Variants in ABCB5 observed in about 807,000 individuals in gnomAD.
The protein encoded by ABCB5 is ATP-binding cassette sub-family B member 5.
A neutral mutation model predicts 144.2 loss-of-function variants in ABCB5; 155 were observed. The observed-to-expected ratio is 1.08, with a 90% CI of 0.94 to 1.23. The LOEUF (loss-of-function observed/expected upper bound fraction) is 1.23, where lower values mean the gene tolerates loss of function less well. Among genes scored for constraint, ABCB5 ranks in the 50% most tolerant of loss-of-function variants. ABCB5 has a pLI of 0.00. For synonymous variants in ABCB5, 610 were observed against 528.6 expected (o/e 1.15, Z -2.11); for missense variants, 1,830 against 1,520.8 (o/e 1.20, Z -3.38).
chr7:20,637,076 T>C (rs1424680582), intron 5 of ABCB5, among the ~76,000 whole-genome samples: 1 of 152,190 alleles, frequency 6.6e-6, no homozygotes, highest in East Asian at 1.9e-4. Context: ...ACATAATTTA[T>C]TTCTGCTAAA....
chr7:20,646,185 T>A (rs1784405035), intron 9 of ABCB5, 47 bp downstream of exon 9: 3 of 1,545,198 alleles, frequency 1.9e-6, no homozygotes, highest in Non-Finnish European at 2.6e-6. Flanking sequence ...TAATCTTTCC[T>A]TACCTAGTTT....
chr7:20,686,031 A>G (rs755975300), intron 16 of ABCB5, among the ~76,000 whole-genome samples, 195 bp downstream of exon 16: 4 of 152,214 alleles, frequency 2.6e-5, no homozygotes, highest in Non-Finnish European at 5.9e-5. Context: ...CTGCATTTAT[A>G]TCAGAGGCCC....
In ABCB5 at chr7:20,756,324, A is replaced by AAG. The variant is rs1783086065; in HGVS notation, c.*700_*701insAG. 5.2e-5 allele frequency: 8 copies of AAG among 152,428 alleles called. No homozygotes were observed. In the South Asian group the frequency reaches 1.7e-3, roughly 32 times the overall value. The allele number at this position is 152,428 out of a possible 1,614,324, so 9.4% of individuals were successfully genotyped here. On this transcript the variant is annotated 3_prime_UTR_variant, in exon 28 of 28. Coordinates refer to ENST00000404938, the MANE Select transcript of ABCB5 (RefSeq NM_001163941.2). ...GTATAAGTCACAGGCCTACCTGTTTATGAAAACTTACTTACTTAAAATAAG... is the reference window on the plus strand; with the variant it reads ...GTATAAGTCACAGGCCTACCTGTTTAAGTGAAAACTTACTTACTTAAAATAAG...
intron 5 of ABCB5, among the ~76,000 whole-genome samples, chr7:20,642,693 T>C (rs917821355): frequency 6.6e-6 from 1 of 152,210 alleles, no homozygotes; most frequent in Admixed American, 6.6e-5. Context: ...TTTGGATTGT[T>C]TTCAGCTTTT....
rs755278177 is a variant in ABCB5, at chr7:20,742,864, C to A, written c.3025-13C>A. 1.2e-6 allele frequency: 2 copies of A among 1,613,302 alleles called. No homozygotes were observed. The highest frequency in any genetic ancestry group is 1.7e-6 in the Non-Finnish European group (2 of 1,179,510). Reference sequence around the variant, plus strand: ...AAGTCATTCTTCTCAACTCTGTCAACTTCCTTTCACAGGACACATGTGAAG... The same window carrying A: ...AAGTCATTCTTCTCAACTCTGTCAAATTCCTTTCACAGGACACATGTGAAG... On this transcript the variant is annotated splice_polypyrimidine_tract_variant and intron_variant, in intron 24 of 27. Coordinates refer to ENST00000404938, the MANE Select transcript of ABCB5 (RefSeq NM_001163941.2).
rs1406657803 is a variant in ABCB5, at chr7:20,661,534, C to CTCT, written c.1707+2859_1707+2860insCTT. On this transcript the variant is annotated intron_variant, in intron 14 of 27. Coordinates refer to ENST00000404938, the MANE Select transcript of ABCB5 (RefSeq NM_001163941.2). ...TATTCTTTTTTGCTTTCTTTCTTTT[C>CTCT]TTTTTCTTTTTTTTTTTTTGAGACC... 5.3e-5 allele frequency among the ~76,000 whole-genome samples: 7 copies of CTCT among 132,384 alleles called. 1 individual carries two copies. The highest frequency in any genetic ancestry group is 2.3e-4 in the South Asian group (1 of 4,420). The allele number at this position is 132,384 out of a possible 152,430, so 86.8% of individuals were successfully genotyped here.
intron 14 of ABCB5, among the ~76,000 whole-genome samples, chr7:20,665,447 C>A (rs1290308122): frequency 2.6e-5 from 4 of 152,098 alleles, no homozygotes; most frequent in African/African-American, 4.8e-5. Context: ...AGTTAAGAAA[C>A]AAAAGGCCTA....
intron 12 of ABCB5, 116 bp from the exon 13 acceptor site, chr7:20,651,304 A>G (rs1276229528): frequency 2.3e-6 from 2 of 886,918 alleles, no homozygotes; most frequent in Non-Finnish European, 3.4e-6. Flanking sequence ...AAATATAGTC[A>G]GTCTTTGATT....
At chr7:20,623,449 T>A in intron 2 of ABCB5, 111 bp downstream of exon 2, 1 of 844,846 alleles carries the variant, frequency 1.2e-6, no homozygotes. Flanking sequence ...ATAGCAACAC[T>A]ATTTGCATTT....
rs1302115989 is a variant in ABCB5 at position 20,711,915 on chromosome 7, TTCTC to T, written c.2421+7114_2421+7117del. Reference sequence around the variant, plus strand: ...CTCCTTCCTTCCTTCCTTCCTTTCTTTCTCTCTCTTTCTTTTTCTTTCTTTCTTT... The same window carrying T: ...CTCCTTCCTTCCTTCCTTCCTTTCTTTCTCTTTCTTTTTCTTTCTTTCTTT... On this transcript the variant is annotated intron_variant, in intron 20 of 27. Coordinates refer to ENST00000404938, the MANE Select transcript of ABCB5 (RefSeq NM_001163941.2). Among the ~76,000 whole-genome samples, 1,053 of 129,946 alleles carry T rather than the reference TTCTC, an allele frequency of 8.1e-3. 80 individuals are homozygous for T. The highest frequency in any genetic ancestry group is 0.027 in the African/African-American group (896 of 32,876). 85.2% of individuals were successfully genotyped at this position (129,946 alleles called of 152,430 possible). A position where few individuals can be genotyped will look rare whatever the true frequency, so the allele number is the denominator to read the frequency against.
chr7:20,624,985 C>T (rs890574208), intron 2 of ABCB5, among the ~76,000 whole-genome samples: 7 of 152,236 alleles, frequency 4.6e-5, no homozygotes, highest in African/African-American at 1.4e-4. Context: ...GAGACTTTCA[C>T]AAAACGACCC....
chr7:20,697,570 C>A (rs973328790), intron 16 of ABCB5, among the ~76,000 whole-genome samples: 3 of 152,162 alleles, frequency 2.0e-5, no homozygotes, highest in Admixed American at 6.5e-5. Flanking sequence ...ACCACTGTGA[C>A]CACTACCTCC....
In ABCB5 at chr7:20,643,593, G is replaced by A. The variant is rs751089247; in HGVS notation, c.639G>A (p.Thr213=). ...AACTCACCCTAGTGACTCTATCCAC[G>A]TCTCCTCTTATAATGGCTTCAGCGG... ...GWKLTLVTLS[T]SPLIMASAAA... The change falls in exon 7 of 28, where the codon ACG becomes ACA. Residue 213 remains threonine, a synonymous_variant. Transcript: ENST00000404938. The A allele has an allele frequency of 2.0e-5, 32 of 1,613,776 alleles. No individual in the cohort carries two copies. Among genetic ancestry groups the A allele is most frequent in the South Asian group, 5.5e-5 (5 of 91,074 alleles).
At chr7:20,745,897 T>G (rs1583467156) in intron 26 of ABCB5, among the ~76,000 whole-genome samples, 1 of 152,166 alleles carries the variant, frequency 6.6e-6, no homozygotes, top group African/African-American at 2.4e-5. Context: ...ACACACCCCA[T>G]GGGGAGGGGC....
At chr7:20,696,103 G>A (rs980756109) in intron 16 of ABCB5, among the ~76,000 whole-genome samples, 11 of 152,092 alleles carry the variant, frequency 7.2e-5, no homozygotes, top group Admixed American at 2.0e-4. Flanking sequence ...TCCACACAAA[G>A]CCTTGTATAT....
chr7:20,704,625 G>C, intron 19 of ABCB5, 99 bp from the exon 20 acceptor site: 2 of 786,258 alleles, frequency 2.5e-6, no homozygotes, highest in Non-Finnish European at 4.2e-6. Flanking sequence ...CTGTGAGTGA[G>C]GAGGCAGGTA....
intron 13 of ABCB5, among the ~76,000 whole-genome samples, chr7:20,655,804 T>G (rs1291109532): frequency 1.3e-5 from 2 of 152,058 alleles, no homozygotes; most frequent in East Asian, 3.9e-4. Context: ...GAAACTGACA[T>G]GTTGATTCCA....
intron 26 of ABCB5, among the ~76,000 whole-genome samples, chr7:20,748,220 G>A (rs1476037359): frequency 6.6e-6 from 1 of 152,146 alleles, no homozygotes; most frequent in Non-Finnish European, 1.5e-5. Flanking sequence ...GCAGTCCAAA[G>A]CAACCACCAC....
intron 13 of ABCB5, among the ~76,000 whole-genome samples, chr7:20,652,072 A>C (rs1223588908): frequency 3.3e-5 from 5 of 152,226 alleles, no homozygotes; most frequent in Non-Finnish European, 7.3e-5. Flanking sequence ...AAAATGAAAG[A>C]TATGTTAAAG....
Sources: allele counts gnomAD v4.1 joint callset (sites outside exome capture counted in the v4.1 genomes callset), GRCh38; gene constraint gnomAD v4.1.1; transcripts MANE v1.5; gene names NCBI Gene and HGNC (gene_info 2026-07-23, HGNC 2026-07-21).